The following MBNL2 variants were observed in gnomAD, a reference collection of about 807,000 sequenced individuals.
MBNL2 encodes the protein muscleblind like splicing regulator 2, also known as muscleblind-like protein 2.
A neutral mutation model predicts 41.9 loss-of-function variants in MBNL2; 17 were observed. That is an observed-to-expected ratio of 0.41 (90% CI 0.28 to 0.61). The LOEUF (loss-of-function observed/expected upper bound fraction) is 0.61, where lower values mean the gene tolerates loss of function less well. Among genes scored for constraint, MBNL2 ranks in the 20% least tolerant of loss-of-function variants. The pLI is 0.35. For synonymous variants in MBNL2, 195 were observed against 182.9 expected, an observed-to-expected ratio of 1.07 and a Z score of -0.53; for missense variants, 336 against 505.6, an observed-to-expected ratio of 0.66 and a Z score of 3.22.
upstream of MBNL2, among the ~76,000 whole-genome samples, chr13:97,219,347 G>C (rs2040670176): frequency 6.6e-6 from 1 of 152,286 alleles, no homozygotes; most frequent in Non-Finnish European, 1.5e-5. Flanking sequence ...GAGCCTCATG[G>C]GCCATGTTGA....
chr13:97,358,557 C>T (rs1453596457), intron 7 of MBNL2, among the ~76,000 whole-genome samples: 1 of 152,186 alleles, frequency 6.6e-6, no homozygotes, highest in East Asian at 1.9e-4. Flanking sequence ...TCATCCCTCC[C>T]CCATTTGCAC....
At chr13:97,200,169 C>A in the MBNL2 span, among the ~76,000 whole-genome samples, 12 of 152,232 alleles carry the variant, frequency 7.9e-5, no homozygotes, top group Non-Finnish European at 1.3e-4. Flanking sequence ...ATGCTGGTAC[C>A]TTTCAGCACA....
chr13:97,217,077 T>G (rs2040439224), upstream of MBNL2, among the ~76,000 whole-genome samples: 2 of 148,544 alleles, frequency 1.3e-5, no homozygotes, highest in Non-Finnish European at 3.0e-5. Flanking sequence ...ACATATGTGT[T>G]GTATATAATA....
intron 2 of MBNL2, among the ~76,000 whole-genome samples, chr13:97,296,691 A>C (rs926271845): frequency 4.6e-5 from 7 of 152,206 alleles, no homozygotes; most frequent in Non-Finnish European, 1.0e-4. Flanking sequence ...TGCTTAAAAG[A>C]GAAAAATACT....
the MBNL2 span, among the ~76,000 whole-genome samples, chr13:97,198,440 TG>T: frequency 6.6e-6 from 1 of 151,024 alleles, no homozygotes; most frequent in South Asian, 2.1e-4. Flanking sequence ...CACATGATCA[TG>T]GAGGCTGGCA....
intron 3 of MBNL2, among the ~76,000 whole-genome samples, chr13:97,338,381 A>T (rs1342254221): frequency 6.6e-6 from 1 of 152,170 alleles, no homozygotes; most frequent in African/African-American, 2.4e-5. Context: ...TTGCTTATCC[A>T]TACAAATGAA....
At chr13:97,292,470 A>T (rs2056321985) in intron 2 of MBNL2, among the ~76,000 whole-genome samples, 1 of 152,214 alleles carries the variant, frequency 6.6e-6, no homozygotes, top group Non-Finnish European at 1.5e-5. Context: ...CGTCACTAAT[A>T]GATTTATCTT....
At chr13:97,184,302 A>G in the MBNL2 span, among the ~76,000 whole-genome samples, 1 of 152,202 alleles carries the variant, frequency 6.6e-6, no homozygotes, top group Non-Finnish European at 1.5e-5. Context: ...CGTGAGAATA[A>G]TCTCTCTTTT....
chr13:97,218,440 C>CAAACAAAAAAAA (rs1555302256), upstream of MBNL2, among the ~76,000 whole-genome samples: 220 of 117,958 alleles, frequency 1.9e-3, 1 homozygote, highest in South Asian at 3.2e-3. Context: ...CAAAACAAAA[C>CAAACAAAAAAAA]AAAAAAAAAA....
Position 97,343,084 on chromosome 13 carries a change from T to G in MBNL2, c.408T>G (p.Pro136=). 6.2e-7 allele frequency: 1 copy of G among 1,613,922 alleles called. No individual in the cohort carries two copies. ...TAISFAPYLA[P]VTPGVGLVPT... ...TTAGCTTTGCTCCTTACCTAGCACC[T>G]GTAACCCCTGGAGTTGGGTTGGTCC... is the stretch of plus-strand genomic sequence containing the variant. Residue 136 remains proline (P), a synonymous_variant, in exon 4 of 9, where the codon CCT becomes CCG. Transcript: ENST00000679496.
At chr13:97,205,414 A>G in the MBNL2 span, among the ~76,000 whole-genome samples, 1 of 151,886 alleles carries the variant, frequency 6.6e-6, no homozygotes, top group Non-Finnish European at 1.5e-5. Flanking sequence ...TAAAAAAAAG[A>G]TAATTCAGTG....
chr13:97,365,017 T>TTAAC (rs1202484800), intron 7 of MBNL2, 119 bp from the exon 8 acceptor site: 8 of 785,504 alleles, frequency 1.0e-5, no homozygotes, highest in East Asian at 9.7e-5. Context: ...AAAGACTGTG[T>TTAAC]TAACTAACCC....
the MBNL2 span, among the ~76,000 whole-genome samples, chr13:97,211,319 G>C: frequency 6.6e-6 from 1 of 152,132 alleles, no homozygotes; most frequent in East Asian, 1.9e-4. Context: ...GGAGAGGTTG[G>C]CAATCCCATG....
the MBNL2 span, among the ~76,000 whole-genome samples, chr13:97,154,574 C>T: frequency 1.3e-5 from 2 of 152,048 alleles, no homozygotes; most frequent in Admixed American, 1.3e-4. Flanking sequence ...CCTTGGCCTC[C>T]CAAAGTGCTG....
intron 1 of MBNL2, among the ~76,000 whole-genome samples, chr13:97,239,886 C>T (rs1351718991): frequency 3.3e-5 from 5 of 152,196 alleles, no homozygotes; most frequent in Non-Finnish European, 7.3e-5. Context: ...AGCACATCTA[C>T]AGACAAACCC....
chr13:97,291,675 A>T (rs955770381), intron 2 of MBNL2, among the ~76,000 whole-genome samples: 4 of 151,348 alleles, frequency 2.6e-5, no homozygotes, highest in Non-Finnish European at 5.9e-5. Context: ...TGGGCGGATC[A>T]CTTGAGGTCA....
chr13:97,348,044 T>C (rs2062048799), intron 5 of MBNL2, among the ~76,000 whole-genome samples: 1 of 151,750 alleles, frequency 6.6e-6, no homozygotes, highest in Admixed American at 6.6e-5. Context: ...TTTTCTTATT[T>C]AGTTGGTCTG....
chr13:97,347,104 C>T (rs1229399487), intron 5 of MBNL2, 37 bp downstream of exon 5: 1 of 1,466,548 alleles, frequency 6.8e-7, no homozygotes, highest in Non-Finnish European at 9.0e-7. Flanking sequence ...CACCCCGGCG[C>T]CTCTGCGGAG....
At chr13:97,359,215 G>T (rs921465435) in intron 7 of MBNL2, among the ~76,000 whole-genome samples, 1 of 151,798 alleles carries the variant, frequency 6.6e-6, no homozygotes, top group African/African-American at 2.4e-5. Context: ...TTAATGTCCT[G>T]TGTGGTTTCT....
Sources: allele counts gnomAD v4.1 joint callset (sites outside exome capture counted in the v4.1 genomes callset), GRCh38; gene constraint gnomAD v4.1.1; transcripts MANE v1.5; gene names NCBI Gene and HGNC (gene_info 2026-07-23, HGNC 2026-07-21).